Variants in ENOX1 observed in about 807,000 individuals in gnomAD.
ENOX1 encodes the protein ecto-NOX disulfide-thiol exchanger 1.
ENOX1 carries 42 observed loss-of-function variants against 82.5 expected under a neutral mutation model. The observed-to-expected ratio is 0.51, with a 90% CI of 0.40 to 0.66. ENOX1 has a LOEUF of 0.66. Ranked by LOEUF, ENOX1 falls within the 30% of genes least tolerant of loss-of-function variation. ENOX1 has a pLI of 0.00. For synonymous variants in ENOX1, 271 were observed against 282.2 expected (o/e 0.96, Z 0.40); for missense variants, 608 against 811.6 (o/e 0.75, Z 3.05).
At chr13:43,439,935 T>C (rs2056271348) in intron 3 of ENOX1, among the ~76,000 whole-genome samples, 1 of 152,174 alleles carries the variant, frequency 6.6e-6, no homozygotes. Flanking sequence ...ATTCAGAAAA[T>C]GGTTTCAGAA....
intron 2 of ENOX1, among the ~76,000 whole-genome samples, chr13:43,503,214 C>T (rs563677258): frequency 1.4e-4 from 21 of 151,510 alleles, no homozygotes; most frequent in Non-Finnish European, 2.5e-4. Flanking sequence ...GAAATTAAAT[C>T]ACACACAAAT....
chr13:43,355,800 T>C (rs2050110118), intron 8 of ENOX1, 119 bp downstream of exon 8: 2 of 1,044,720 alleles, frequency 1.9e-6, no homozygotes, highest in East Asian at 2.4e-5. Flanking sequence ...TCTTACAGCC[T>C]TCTTAAGGCA....
chr13:43,628,690 T>C (rs959581191), intron 2 of ENOX1, among the ~76,000 whole-genome samples: 4 of 152,186 alleles, frequency 2.6e-5, no homozygotes, highest in Non-Finnish European at 5.9e-5. Flanking sequence ...AGCTGAACAT[T>C]TTTATATTAT....
chr13:43,248,112 C>T (rs191422074), intron 14 of ENOX1, among the ~76,000 whole-genome samples: 1,668 of 150,812 alleles, frequency 0.011, 26 homozygotes, highest in African/African-American at 0.036. Context: ...GTCTCGATCT[C>T]CTGACCTCGT....
intron 5 of ENOX1, among the ~76,000 whole-genome samples, chr13:43,375,016 T>C (rs892329882): frequency 2.0e-5 from 3 of 152,214 alleles, no homozygotes; most frequent in African/African-American, 7.2e-5. Flanking sequence ...CACGTTGTTA[T>C]TATGAGTGCC....
intron 5 of ENOX1, among the ~76,000 whole-genome samples, chr13:43,369,118 T>C (rs889234701): frequency 2.6e-5 from 4 of 152,184 alleles, no homozygotes; most frequent in Non-Finnish European, 4.4e-5. Context: ...ATCCATTGTC[T>C]TTATTCAGTA....
intron 2 of ENOX1, among the ~76,000 whole-genome samples, chr13:43,652,518 G>A (rs1411448431): frequency 2.0e-5 from 3 of 152,170 alleles, no homozygotes; most frequent in African/African-American, 4.8e-5. Flanking sequence ...TTCACAAGAC[G>A]AAATAACTTA....
rs147545657 is a variant in ENOX1, at chr13:43,535,796, G to C, written c.-218-51644C>G. Among the ~76,000 whole-genome samples the C allele has an allele frequency of 4.2e-3, 638 of 152,158 alleles. 5 individuals carry two copies. Among genetic ancestry groups the C allele is most frequent in the South Asian group, 0.027 (128 of 4,816 alleles). ...TTATTCATAATTTATTTTCCTTATT[G>C]TATCAAGTGACTTTTACTTATCCTT... On this transcript the variant is annotated intron_variant, in intron 2 of 16. Transcript: ENST00000690772.
intron 3 of ENOX1, among the ~76,000 whole-genome samples, chr13:43,450,833 T>G (rs2056927459): frequency 6.6e-6 from 1 of 152,118 alleles, no homozygotes; most frequent in Non-Finnish European, 1.5e-5. Context: ...CAGGAAGGTT[T>G]AGCATCCCAA....
rs142040818 is a variant in ENOX1 at position 43,339,116 on chromosome 13, A to G, written c.1036+5422T>C. On this transcript the variant is annotated intron_variant, in intron 9 of 16. Coordinates refer to ENST00000690772, the MANE Select transcript of ENOX1 (RefSeq NM_001347969.2). ...ATAAAAAAGGTTAGAACTTTCATAA[A>G]TACGGGCAGAACTAAACACCAACAA... Among the ~76,000 whole-genome samples the G allele has an allele frequency of 2.6e-4, 39 of 152,372 alleles. No individual in the cohort carries two copies. The East Asian group carries it at 7.3e-3, about 29-fold the overall frequency.
chr13:43,330,188 A>T (rs572287565), intron 9 of ENOX1, among the ~76,000 whole-genome samples: 1 of 152,378 alleles, frequency 6.6e-6, no homozygotes, highest in East Asian at 1.9e-4. Flanking sequence ...TACTATCAGA[A>T]CAGGCTCTTC....
chr13:43,575,198 C>T (rs781231161), intron 2 of ENOX1, among the ~76,000 whole-genome samples: 33 of 152,158 alleles, frequency 2.2e-4, no homozygotes, highest in African/African-American at 7.5e-4. Context: ...CTTAAAAGAA[C>T]GCAGGGGACT....
At chr13:43,547,773 T>C (rs2079033508) in intron 2 of ENOX1, 2 of 152,192 alleles carry the variant, frequency 1.3e-5, no homozygotes, top group Admixed American at 6.5e-5. Context: ...AAACCCAATA[T>C]TGAGGCTAAA....
intron 3 of ENOX1, among the ~76,000 whole-genome samples, chr13:43,445,853 C>T (rs1230687136): frequency 6.6e-6 from 1 of 152,162 alleles, no homozygotes; most frequent in African/African-American, 2.4e-5. Context: ...GCAAGCAATT[C>T]AGCTAAGCTC....
At chr13:43,625,339 T>G (rs1457838710) in intron 2 of ENOX1, among the ~76,000 whole-genome samples, 1 of 152,018 alleles carries the variant, frequency 6.6e-6, no homozygotes, top group African/African-American at 2.4e-5. Flanking sequence ...AGTCTATTGC[T>G]TTTTGCTCCT....
chr13:43,323,989 A>G (rs1192163816), intron 10 of ENOX1, among the ~76,000 whole-genome samples: 1 of 152,206 alleles, frequency 6.6e-6, no homozygotes, highest in Non-Finnish European at 1.5e-5. Flanking sequence ...ACAAGGTCCG[A>G]GGTGGGGTGC....
chr13:43,373,263 C>G (rs1466147164), intron 5 of ENOX1, among the ~76,000 whole-genome samples: 1 of 151,880 alleles, frequency 6.6e-6, no homozygotes, highest in African/African-American at 2.4e-5. Context: ...AGAAGGCCTT[C>G]TAGGAAAACA....
At chr13:43,613,390 GA>G (rs1216827815) in intron 2 of ENOX1, among the ~76,000 whole-genome samples, 1 of 152,082 alleles carries the variant, frequency 6.6e-6, no homozygotes, top group Non-Finnish European at 1.5e-5. Flanking sequence ...GAACGTAAAT[GA>G]AAAAATTATG....
intron 12 of ENOX1, among the ~76,000 whole-genome samples, chr13:43,294,868 A>G (rs2046203689): frequency 6.6e-6 from 1 of 152,166 alleles, no homozygotes; most frequent in South Asian, 2.1e-4. Context: ...AAGAAGCCCA[A>G]CTCAACAGGT....
Sources: allele counts gnomAD v4.1 joint callset (sites outside exome capture counted in the v4.1 genomes callset), GRCh38; gene constraint gnomAD v4.1.1; transcripts MANE v1.5; gene names NCBI Gene and HGNC (gene_info 2026-07-23, HGNC 2026-07-21).